Variants in CSMD2 observed in about 807,000 individuals in gnomAD.
CSMD2 encodes CUB and Sushi multiple domains 2.
Under a neutral mutation model 398.5 loss-of-function variants are expected in CSMD2, and 130 were observed. That is an observed-to-expected ratio of 0.33 (90% CI 0.28 to 0.38). The LOEUF (loss-of-function observed/expected upper bound fraction) is 0.38. Ranked by LOEUF, CSMD2 falls within the 10% of genes least tolerant of loss-of-function variation. CSMD2 has a pLI of 1.00. For synonymous variants in CSMD2, 1,828 were observed against 1,908.5 expected (o/e 0.96, Z 1.10); for missense variants, 3,829 against 4,764.9 (o/e 0.80, Z 5.78).
At chr1:33,890,287 G>A (rs1214877903) in intron 5 of CSMD2, among the ~76,000 whole-genome samples, 1 of 142,088 alleles carries the variant, frequency 7.0e-6, no homozygotes, top group Non-Finnish European at 1.5e-5. Flanking sequence ...CTGGAGTGCA[G>A]TGGAGCGATC....
At chr1:33,517,095 G>A (rs371680419) in intron 70 of CSMD2, among the ~76,000 whole-genome samples, 6 of 152,170 alleles carry the variant, frequency 3.9e-5, no homozygotes, top group South Asian at 2.1e-4. Context: ...CACAGGCCTC[G>A]TTGCTTCCTT....
rs370304927 is a variant in CSMD2, at chr1:33,567,684, G to A, written c.8289C>T (p.Tyr2763=). Residue 2763 remains tyrosine (Y), a synonymous_variant, in exon 53 of 71, where the codon TAC becomes TAT. Coordinates refer to ENST00000373381, the MANE Select transcript of CSMD2 (RefSeq NM_001281956.2). ...ENYSYRGSVV[Y]QCNAGFRLIG... ...TCAGGCGGAAGCCAGCATTGCATTG[G>A]TACACCACACTGCCCCGGTAGCTGT... is the stretch of plus-strand genomic sequence containing the variant. 3.7e-5 allele frequency: 60 copies of A among 1,614,020 alleles called. No homozygotes were observed. The highest frequency in any genetic ancestry group is 4.3e-5 in the Non-Finnish European group (51 of 1,180,032).
chr1:33,636,348 G>A lies in CSMD2; in HGVS notation c.4969+12C>T. The stretch of plus-strand genomic sequence containing the variant: ...GTTCCTCAGACCCCTGCCATCCCCA[G>A]GCTTCCACCACCTGTGCAGACTGGC... On this transcript the variant is annotated intron_variant, in intron 30 of 70. Transcript: ENST00000373381. The surrounding 1 kb of genome is among the most constrained non-coding windows in gnomAD (Gnocchi z 4.8). 11 of 1,583,818 alleles carry A rather than the reference G, an allele frequency of 6.9e-6. No homozygotes were observed. Among genetic ancestry groups the A allele is most frequent in the Non-Finnish European group, 9.5e-6 (11 of 1,163,248 alleles).
intron 4 of CSMD2, among the ~76,000 whole-genome samples, chr1:33,921,858 G>C (rs1336106737): frequency 3.3e-5 from 5 of 152,184 alleles, no homozygotes; most frequent in African/African-American, 1.2e-4. Flanking sequence ...TGAAAGATAT[G>C]GTTTGGTGGC....
intron 3 of CSMD2, among the ~76,000 whole-genome samples, chr1:33,996,869 G>A (rs369487058): frequency 5.9e-5 from 9 of 152,024 alleles, no homozygotes; most frequent in Non-Finnish European, 1.0e-4. Context: ...AAAAGGGACC[G>A]GAAGAAGAAA....
chr1:34,083,033 C>T (rs1260857061), intron 2 of CSMD2, among the ~76,000 whole-genome samples: 1 of 151,258 alleles, frequency 6.6e-6, no homozygotes, highest in African/African-American at 2.4e-5. Flanking sequence ...CTGCCAAATC[C>T]CCCTCTCCGA....
intron 2 of CSMD2, among the ~76,000 whole-genome samples, chr1:34,063,772 C>T (rs1225643216): frequency 2.6e-5 from 4 of 152,212 alleles, no homozygotes; most frequent in Admixed American, 1.3e-4. Context: ...CCGATGGGTG[C>T]TCCGATCCCA....
At chr1:33,876,589 G>A (rs932440212) in intron 5 of CSMD2, among the ~76,000 whole-genome samples, 20 of 152,304 alleles carry the variant, frequency 1.3e-4, no homozygotes, top group Middle Eastern at 3.4e-3. Flanking sequence ...TTTATAACCT[G>A]TGGCTTGCAG....
At chr1:33,665,208 A>G (rs1166489213) in intron 25 of CSMD2, among the ~76,000 whole-genome samples, 1 of 151,940 alleles carries the variant, frequency 6.6e-6, no homozygotes, top group East Asian at 1.9e-4. Flanking sequence ...CTTTTATATG[A>G]TATATTTGTT....
chr1:33,793,421 G>C (rs1340240822), intron 10 of CSMD2, among the ~76,000 whole-genome samples: 1 of 152,080 alleles, frequency 6.6e-6, no homozygotes, highest in Non-Finnish European at 1.5e-5. Context: ...TTCAGTGTCT[G>C]TTGCTAGCAG....
intron 24 of CSMD2, 63 bp downstream of exon 24, chr1:33,698,690 C>A: frequency 6.8e-7 from 1 of 1,473,168 alleles, no homozygotes. Flanking sequence ...GGAATGAGAC[C>A]AGGACTAGAG....
chr1:33,978,312 T>C (rs1646042337), intron 3 of CSMD2, among the ~76,000 whole-genome samples: 1 of 152,186 alleles, frequency 6.6e-6, no homozygotes, highest in Non-Finnish European at 1.5e-5. Flanking sequence ...TATTCTATTA[T>C]TCAACATACA....
At chr1:33,614,399 A>G in intron 40 of CSMD2, 105 bp downstream of exon 40, 1 of 719,888 alleles carries the variant, frequency 1.4e-6, no homozygotes, top group Non-Finnish European at 2.6e-6. Context: ...AGAGTACTAA[A>G]CAGACTTGGC....
intron 58 of CSMD2, 108 bp downstream of exon 58, chr1:33,542,612 C>T: frequency 9.9e-7 from 1 of 1,005,598 alleles, no homozygotes; most frequent in East Asian, 2.6e-5. Context: ...AGGTTCAAGT[C>T]CGACCATCCC....
At chr1:33,666,778 CT>C (rs1644330879) in intron 25 of CSMD2, among the ~76,000 whole-genome samples, 2 of 152,084 alleles carry the variant, frequency 1.3e-5, no homozygotes, top group Non-Finnish European at 2.9e-5. Context: ...AGGCTGCCCC[CT>C]GCCTTCTCTG....
chr1:33,666,410 T>C (rs1281814277), intron 25 of CSMD2, among the ~76,000 whole-genome samples: 5 of 152,244 alleles, frequency 3.3e-5, no homozygotes, highest in South Asian at 2.1e-4. Flanking sequence ...ATCTTTGTTA[T>C]GGTTTTCTTC....
intron 5 of CSMD2, among the ~76,000 whole-genome samples, chr1:33,910,257 A>G (rs1643374700): frequency 6.6e-6 from 1 of 152,154 alleles, no homozygotes; most frequent in Non-Finnish European, 1.5e-5. Flanking sequence ...CTCCTGGTCC[A>G]TGCTCCTCCT....
At chr1:33,834,170 C>CA in intron 6 of CSMD2, among the ~76,000 whole-genome samples, 1 of 94,644 alleles carries the variant, frequency 1.1e-5, no homozygotes, top group South Asian at 4.7e-4. Context: ...CATATGGAAC[C>CA]AAAAAAGAGC....
chr1:33,864,858 T>G, intron 5 of CSMD2: 1 of 874,488 alleles, frequency 1.1e-6, no homozygotes. Flanking sequence ...GAGGAGGGAG[T>G]GGCTTGGTAG....
Sources: allele counts gnomAD v4.1 joint callset (sites outside exome capture counted in the v4.1 genomes callset), GRCh38; gene constraint gnomAD v4.1.1; non-coding constraint Gnocchi (gnomAD v3.1); transcripts MANE v1.5; gene names NCBI Gene and HGNC (gene_info 2026-07-23, HGNC 2026-07-21).